The following RARB variants were observed in gnomAD, a reference collection of about 807,000 sequenced individuals.
RARB encodes retinoic acid receptor beta.
Under a neutral mutation model 51.9 loss-of-function variants are expected in RARB, and 17 were observed. The observed-to-expected ratio is 0.33, with a 90% CI of 0.22 to 0.49. The LOEUF is 0.49. RARB is among the 20% of genes least tolerant of loss of function. RARB has a pLI of 0.99. For missense variants in RARB, 369 were observed against 550.8 expected (o/e 0.67, Z 3.30); for synonymous variants, 215 against 195.4 (o/e 1.10, Z -0.84).
chr3:25,118,694 A>G (rs1699730951), intron 3 of RARB, among the ~76,000 whole-genome samples: 1 of 152,068 alleles, frequency 6.6e-6, no homozygotes, highest in South Asian at 2.1e-4. Context: ...TGCTGAAGTT[A>G]AAGTGTTTAA....
chr3:25,233,826 A>G (rs575031229), intron 5 of RARB, among the ~76,000 whole-genome samples: 2 of 150,960 alleles, frequency 1.3e-5, no homozygotes, highest in Admixed American at 6.6e-5. Flanking sequence ...TTCTATATCT[A>G]TTGAGAAGAT....
chr3:25,402,807 G>A (rs1707300097), intron 5 of RARB, among the ~76,000 whole-genome samples: 1 of 152,072 alleles, frequency 6.6e-6, no homozygotes, highest in South Asian at 2.1e-4. Flanking sequence ...CAGGGGCTAA[G>A]AGTGGTAGTG....
chr3:25,091,106 T>G (rs1284972429), intron 3 of RARB, among the ~76,000 whole-genome samples: 2 of 152,180 alleles, frequency 1.3e-5, no homozygotes, highest in African/African-American at 4.8e-5. Context: ...ATTAAATGTT[T>G]CATCAGTAGT....
At chr3:25,146,594 G>A (rs1329846612) in intron 4 of RARB, among the ~76,000 whole-genome samples, 2 of 145,526 alleles carry the variant, frequency 1.4e-5, no homozygotes, top group Non-Finnish European at 3.0e-5. Context: ...TGCAAGCTCC[G>A]CCTCCCGGGT....
At chr3:25,199,748 A>G (rs1701342878) in intron 5 of RARB, among the ~76,000 whole-genome samples, 1 of 152,140 alleles carries the variant, frequency 6.6e-6, no homozygotes, top group Non-Finnish European at 1.5e-5. Context: ...TTCCAGCTTC[A>G]TCCGTGTCCC....
Position 25,238,340 on chromosome 3 carries a change from T to C in RARB, c.178+63765T>C, listed in dbSNP as rs192243542. On this transcript the variant is annotated intron_variant, in intron 5 of 11. Transcript: ENST00000383772. ...TGTTAAAAATGACATGATTTTATTG[T>C]TTTGTATGGCCAAATAGTATTCCAT... Among the ~76,000 whole-genome samples, 51 of 152,308 alleles carry C rather than the reference T, an allele frequency of 3.3e-4. No homozygotes were observed. The East Asian group carries it at 4.4e-3, about 13-fold the overall frequency.
chr3:25,086,575 G>A (rs767002137), intron 3 of RARB, among the ~76,000 whole-genome samples: 3 of 152,142 alleles, frequency 2.0e-5, no homozygotes, highest in Non-Finnish European at 4.4e-5. Context: ...CTGAGAACAT[G>A]TGTCCAAGGT....
rs935681311 is a variant in RARB, at chr3:24,861,599, A to C, written c.-380+2847A>C. Among the ~76,000 whole-genome samples the C allele has an allele frequency of 2.1e-4, 3 of 14,024 alleles. No homozygotes were observed. In the South Asian group the frequency reaches 4.8e-3, roughly 23 times the overall value. The allele number at this position is 14,024 out of a possible 152,430, so 9.2% of individuals were successfully genotyped here. A position where few individuals can be genotyped will look rare whatever the true frequency, so the allele number is the denominator to read the frequency against. On this transcript the variant is annotated intron_variant, in intron 2 of 11. Coordinates refer to the RARB transcript ENST00000383772. ...TTAACAGAAATAACTTGTTATAAAA[A>C]AAAAAAAAAAAAAAAACCTTTCCTG... is the stretch of plus-strand genomic sequence containing the variant.
intron 2 of RARB, among the ~76,000 whole-genome samples, chr3:25,030,722 C>A (rs1281663521): frequency 6.6e-6 from 1 of 152,080 alleles, no homozygotes; most frequent in East Asian, 1.9e-4. Context: ...AATACTGGGC[C>A]CTGCTGAAGA....
chr3:25,290,191 C>T (rs1041797108), intron 5 of RARB, among the ~76,000 whole-genome samples: 1 of 152,140 alleles, frequency 6.6e-6, no homozygotes, highest in Non-Finnish European at 1.5e-5. Flanking sequence ...ACCTATCCCC[C>T]AGGACTTATG....
intron 4 of RARB, among the ~76,000 whole-genome samples, chr3:25,140,082 T>C (rs1700085691): frequency 7.2e-6 from 1 of 139,680 alleles, no homozygotes. Context: ...TACAAGGACA[T>C]GGTTTTTTTT....
At chr3:25,231,636 T>C (rs954098009) in intron 5 of RARB, among the ~76,000 whole-genome samples, 2 of 152,192 alleles carry the variant, frequency 1.3e-5, no homozygotes, top group African/African-American at 4.8e-5. Context: ...TAGTGTGTAA[T>C]GGTATCTCAT....
At chr3:25,000,226 C>A (rs12330152) in intron 2 of RARB, among the ~76,000 whole-genome samples, 1 of 152,248 alleles carries the variant, frequency 6.6e-6, no homozygotes, top group African/African-American at 2.4e-5. Flanking sequence ...GTTTGAGGTA[C>A]TAGTGCTTTA....
chr3:24,933,178 C>T (rs1381952934), intron 2 of RARB, among the ~76,000 whole-genome samples: 1 of 151,918 alleles, frequency 6.6e-6, no homozygotes, highest in African/African-American at 2.4e-5. Flanking sequence ...ATATGCAAAT[C>T]CTATAAAAAC....
rs139028298 is a variant in RARB at position 25,221,309 on chromosome 3, C to T, written c.178+46734C>T. Among the ~76,000 whole-genome samples, 298 of 150,242 alleles carry T rather than the reference C, an allele frequency of 2.0e-3. 2 individuals are homozygous for T. Among genetic ancestry groups the T allele is most frequent in the Non-Finnish European group, 2.1e-3 (142 of 68,020 alleles). On this transcript the variant is annotated intron_variant, in intron 5 of 11. Coordinates refer to the RARB transcript ENST00000383772. Reference sequence around the variant, plus strand: ...TAATTGAGACAACTCTCTGTCCTTACGCTATGTGCTAAGTTAGTTCATAAC... The same window carrying T: ...TAATTGAGACAACTCTCTGTCCTTATGCTATGTGCTAAGTTAGTTCATAAC...
At chr3:24,938,180 C>T (rs73820324) in intron 2 of RARB, among the ~76,000 whole-genome samples, 4,975 of 152,170 alleles carry the variant, frequency 0.033, 217 homozygotes, top group East Asian at 0.096. Flanking sequence ...GGTAAGGTAG[C>T]CTTTCAGGTG....
chr3:25,207,855 G>A (rs901053890), intron 5 of RARB, among the ~76,000 whole-genome samples: 11 of 152,180 alleles, frequency 7.2e-5, no homozygotes, highest in Non-Finnish European at 5.9e-5. Context: ...GTAATTTATA[G>A]AGAAAAGAGA....
intron 1 of RARB, among the ~76,000 whole-genome samples, chr3:25,450,196 A>T (rs1709130557): frequency 6.6e-6 from 1 of 152,026 alleles, no homozygotes; most frequent in East Asian, 1.9e-4. Flanking sequence ...GTTTGACTAG[A>T]CTCTGGAGAT....
intron 5 of RARB, among the ~76,000 whole-genome samples, chr3:25,301,316 C>A (rs953587765): frequency 2.0e-5 from 3 of 152,140 alleles, no homozygotes; most frequent in Non-Finnish European, 2.9e-5. Flanking sequence ...TTGTGCATAT[C>A]TTCTGTAGGA....
Sources: gnomAD v4.1 joint callset for allele counts (sites outside exome capture counted in the v4.1 genomes callset) on GRCh38, gnomAD v4.1.1 for gene constraint, MANE v1.5 for transcripts, NCBI Gene and HGNC (gene_info 2026-07-23, HGNC 2026-07-21) for gene names.